CDK8: variants seen among roughly 807,000 people sequenced by gnomAD.
The protein encoded by CDK8 is cyclin-dependent kinase 8.
Under a neutral mutation model 71.5 loss-of-function variants are expected in CDK8, and 29 were observed. The observed-to-expected ratio is 0.41, with a 90% confidence interval of 0.30 to 0.55. The LOEUF is 0.55. Ranked by LOEUF, CDK8 falls within the 20% of genes least tolerant of loss-of-function variation. The probability of loss-of-function intolerance (pLI) is 0.37; values close to 1 mark genes in which losing one functional copy is unlikely to be tolerated. For missense variants in CDK8, 288 were observed against 572.6 expected, an observed-to-expected ratio of 0.50 and a Z score of 5.07; for synonymous variants, 161 against 192.1, an observed-to-expected ratio of 0.84 and a Z score of 1.34.
rs558277211 is a variant in CDK8, at chr13:26,283,330, C to G, written c.128+28561C>G. 2.9e-4 allele frequency among the ~76,000 whole-genome samples: 44 copies of G among 152,364 alleles called. 2 individuals carry two copies. In the South Asian group the frequency reaches 8.9e-3, roughly 31 times the overall value. On this transcript the variant is annotated intron_variant, in intron 1 of 12. Coordinates refer to ENST00000381527, the MANE Select transcript of CDK8 (RefSeq NM_001260.3). ...GTCTCAATAAATGCAACAAAATTGGCTGGGCACGGTGGCTCATGCCTGTAA... is the reference window on the plus strand; with the variant it reads ...GTCTCAATAAATGCAACAAAATTGGGTGGGCACGGTGGCTCATGCCTGTAA...
intron 7 of CDK8, 68 bp from the exon 8 acceptor site, chr13:26,396,206 GAACGTGGTAAT>G (rs1488288650): frequency 2.0e-5 from 11 of 545,252 alleles, no homozygotes; most frequent in Non-Finnish European, 3.2e-5. Flanking sequence ...GAAATGTAAT[GAACGTGGTAAT>G]AACCTTTTTA....
intron 6 of CDK8, among the ~76,000 whole-genome samples, chr13:26,387,154 GT>G (rs1472142084): frequency 6.6e-6 from 1 of 151,906 alleles, no homozygotes; most frequent in East Asian, 1.9e-4. Context: ...ATAGTATCTT[GT>G]ATTTTTTAAT....
intron 4 of CDK8, among the ~76,000 whole-genome samples, chr13:26,375,791 C>A (rs1469962415): frequency 1.3e-5 from 2 of 152,178 alleles, no homozygotes; most frequent in Non-Finnish European, 2.9e-5. Flanking sequence ...GATACTATTA[C>A]ATTTAAAAAG....
chr13:26,268,510 T>A (rs1374829899), intron 1 of CDK8, among the ~76,000 whole-genome samples: 2 of 151,942 alleles, frequency 1.3e-5, no homozygotes, highest in Non-Finnish European at 2.9e-5. Flanking sequence ...GAGATGTAGT[T>A]TTGCCATGTT....
At chr13:26,372,076 G>A (rs1874718556) in intron 4 of CDK8, among the ~76,000 whole-genome samples, 1 of 152,194 alleles carries the variant, frequency 6.6e-6, no homozygotes, top group South Asian at 2.1e-4. Context: ...AAATGTGTGT[G>A]TCTAGGAAAG....
At chr13:26,319,741 C>G (rs76604722) in intron 1 of CDK8, among the ~76,000 whole-genome samples, 1 of 147,296 alleles carries the variant, frequency 6.8e-6, no homozygotes, top group East Asian at 2.0e-4. Context: ...TATAGAATGT[C>G]TGGGGACTCC....
At position 26,254,926 on chromosome 13, in the gene CDK8, G is replaced by T. The variant is rs1247838414; in HGVS notation, c.128+157G>T. ...CAGCCAGGTTTGGGGAGGAAGTGGT[G>T]TACGAGGGATCCAAACCCACGAGAA... On this transcript the variant is annotated intron_variant, in intron 1 of 12. Coordinates refer to ENST00000381527, the MANE Select transcript of CDK8 (RefSeq NM_001260.3). The surrounding 1 kb of genome is among the most constrained non-coding windows in gnomAD (Gnocchi z 6.7). Among the ~76,000 whole-genome samples, 1 of 152,180 alleles carries T rather than the reference G, an allele frequency of 6.6e-6. No individual in the cohort carries two copies. Among genetic ancestry groups the T allele is most frequent in the Non-Finnish European group, 1.5e-5 (1 of 68,032 alleles).
rs1871407914 is a variant in CDK8 at position 26,254,264 on chromosome 13, C to T, written c.-378C>T. 3.6e-6 allele frequency: 1 copy of T among 277,718 alleles called. No individual in the cohort carries two copies. The highest frequency in any genetic ancestry group is 6.9e-6 in the Non-Finnish European group (1 of 145,462). The allele number at this position is 277,718 out of a possible 1,614,324, so 17.2% of individuals were successfully genotyped here. On this transcript the variant is annotated 5_prime_UTR_variant, in exon 1 of 13. Transcript: ENST00000381527. The surrounding 1 kb of genome is among the most constrained non-coding windows in gnomAD (Gnocchi z 6.7). ...TGTGAGAGGACGAGAGCCCGCCTGG[C>T]CGCCCCGCCGCTCCCGCCGCAGCAG...
rs570182573 is a variant in CDK8 at position 26,321,157 on chromosome 13, C to T, written c.129-16410C>T. On this transcript the variant is annotated intron_variant, in intron 1 of 12. Transcript: ENST00000381527. ...AACAGGGAAGCATCCTAAGTGCCCA[C>T]TGAAGGATGAATAGATGAGCAAATG... 5.3e-5 allele frequency among the ~76,000 whole-genome samples: 8 copies of T among 152,204 alleles called. No individual in the cohort carries two copies. In the South Asian group the frequency reaches 1.7e-3, roughly 32 times the overall value.
intron 1 of CDK8, among the ~76,000 whole-genome samples, chr13:26,256,464 T>C (rs2137845738): frequency 6.6e-6 from 1 of 152,352 alleles, no homozygotes; most frequent in East Asian, 1.9e-4. Flanking sequence ...TATAAAATTC[T>C]AGCGCCTTTG....
intron 1 of CDK8, among the ~76,000 whole-genome samples, chr13:26,302,891 G>A (rs1002948793): frequency 3.9e-5 from 6 of 152,076 alleles, no homozygotes; most frequent in African/African-American, 1.4e-4. Flanking sequence ...GTTTAGAGCT[G>A]GGATCTTGCT....
chr13:26,353,636 TA>T lies in CDK8; in HGVS notation c.316-103del, dbSNP rs2137998999. On this transcript the variant is annotated intron_variant, in intron 3 of 12. Transcript: ENST00000381527. ...AGTACGAAATTATATTTTCAATATC[TA>T]TGGGAATCCCTGAGTGTTTCTTTTT... The T allele has an allele frequency of 6.8e-6, 6 of 878,466 alleles. 1 individual carries two copies. In the East Asian group the frequency reaches 1.6e-4, roughly 23 times the overall value. 54.4% of individuals were successfully genotyped at this position (878,466 alleles called of 1,614,324 possible).
At chr13:26,258,235 G>A (rs1056574073) in intron 1 of CDK8, among the ~76,000 whole-genome samples, 4 of 152,096 alleles carry the variant, frequency 2.6e-5, no homozygotes, top group Admixed American at 2.0e-4. Context: ...TCACTCCAGA[G>A]CCCATGCTCT....
intron 1 of CDK8, among the ~76,000 whole-genome samples, chr13:26,262,171 A>G (rs548007159): frequency 3.9e-5 from 6 of 152,332 alleles, no homozygotes; most frequent in African/African-American, 1.2e-4. Flanking sequence ...TACAACTCCA[A>G]TAAGTCCCAC....
intron 4 of CDK8, among the ~76,000 whole-genome samples, chr13:26,382,188 A>G (rs755765900): frequency 1.3e-4 from 20 of 152,202 alleles, no homozygotes; most frequent in Non-Finnish European, 2.5e-4. Flanking sequence ...GACAATCAGT[A>G]TATATTTTAA....
At chr13:26,299,276 TAC>T in intron 1 of CDK8, among the ~76,000 whole-genome samples, 1 of 152,346 alleles carries the variant, frequency 6.6e-6, no homozygotes, top group Non-Finnish European at 1.5e-5. Context: ...GTTTTATATA[TAC>T]AGTTACTTGT....
chr13:26,303,363 C>T (rs935966667), intron 1 of CDK8, among the ~76,000 whole-genome samples: 9 of 151,900 alleles, frequency 5.9e-5, no homozygotes, highest in South Asian at 2.1e-4. Flanking sequence ...TGCAGTGGCA[C>T]GATCTCGGTT....
intron 1 of CDK8, among the ~76,000 whole-genome samples, chr13:26,288,594 C>T (rs533115172): frequency 1.7e-4 from 26 of 151,620 alleles, no homozygotes; most frequent in Non-Finnish European, 3.8e-4. Context: ...ACCCCACCCC[C>T]CACAAACACA....
intron 6 of CDK8, among the ~76,000 whole-genome samples, chr13:26,386,991 C>T (rs1425513166): frequency 2.0e-5 from 3 of 152,094 alleles, no homozygotes; most frequent in Non-Finnish European, 4.4e-5. Context: ...TTGATTTCCT[C>T]CTCAATGTTT....
Sources: allele counts gnomAD v4.1 joint callset (sites outside exome capture counted in the v4.1 genomes callset), GRCh38; gene constraint gnomAD v4.1.1; non-coding constraint Gnocchi (gnomAD v3.1); transcripts MANE v1.5; gene names NCBI Gene and HGNC (gene_info 2026-07-23, HGNC 2026-07-21).